Variants in MGAT4C observed in about 807,000 individuals in gnomAD.
MGAT4C encodes the protein alpha-1,3-mannosyl-glycoprotein 4-beta-N-acetylglucosaminyltransferase C.
Under a neutral mutation model 40.1 loss-of-function variants are expected in MGAT4C, and 19 were observed. The ratio of observed to expected loss-of-function variants is 0.47; its 90% CI spans 0.33 to 0.70. MGAT4C has a LOEUF of 0.70. MGAT4C is among the 30% of genes least tolerant of loss of function. The pLI is 0.02. For synonymous variants in MGAT4C, 181 were observed against 187.1 expected (o/e 0.97, Z 0.27); for missense variants, 491 against 563.2 (o/e 0.87, Z 1.30).
At chr12:86,399,243 TA>T (rs1956312939) in intron 3 of MGAT4C, among the ~76,000 whole-genome samples, 1 of 151,964 alleles carries the variant, frequency 6.6e-6, no homozygotes, top group Non-Finnish European at 1.5e-5. Context: ...GTGCCGGGAT[TA>T]CAGGCGCGAG....
In MGAT4C at chr12:86,076,112, C is replaced by CT. The variant is rs546547556; in HGVS notation, c.-56-26390dup. Among the ~76,000 whole-genome samples, 6 of 152,304 alleles carry CT rather than the reference C, an allele frequency of 3.9e-5. No individual in the cohort carries two copies. The East Asian group carries it at 1.2e-3, about 29-fold the overall frequency. On this transcript the variant is annotated intron_variant, in intron 1 of 4. Transcript: ENST00000611864. ...CAGCACCCAAGTCACCACTTGAATG[C>CT]TTTGCTGCTTAGAAATTTATTTTGC... is the stretch of plus-strand genomic sequence containing the variant.
rs533304248 is a variant in MGAT4C, at chr12:85,974,117, C to T, written c.*5172G>A. The stretch of plus-strand genomic sequence containing the variant: ...AATGTTAAAGAATTCAAATAAAAAC[C>T]ATAAACCTGAAACTCTAAAAGAAAA... On this transcript the variant is annotated 3_prime_UTR_variant, in exon 5 of 5. Transcript: ENST00000611864. 2 of 150,824 alleles carry T rather than the reference C, an allele frequency of 1.3e-5. No homozygotes were observed. The highest frequency in any genetic ancestry group is 4.8e-5 in the African/African-American group (2 of 41,398). 9.3% of individuals were successfully genotyped at this position (150,824 alleles called of 1,614,324 possible).
At chr12:86,807,098 T>C (rs932142873) in intron 1 of MGAT4C, among the ~76,000 whole-genome samples, 16 of 151,946 alleles carry the variant, frequency 1.1e-4, no homozygotes, top group Non-Finnish European at 1.9e-4. Flanking sequence ...TGCTCACCTT[T>C]TGAATGTGGA....
chr12:86,611,492 A>AGAT (rs1555210991), intron 2 of MGAT4C, among the ~76,000 whole-genome samples: 2 of 151,726 alleles, frequency 1.3e-5, no homozygotes, highest in African/African-American at 4.8e-5. Context: ...ATAGATAGAT[A>AGAT]GATAGATACA....
At chr12:86,335,338 G>T (rs976677198) in intron 3 of MGAT4C, among the ~76,000 whole-genome samples, 1 of 152,040 alleles carries the variant, frequency 6.6e-6, no homozygotes, top group Non-Finnish European at 1.5e-5. Context: ...TTACAACCCA[G>T]TAAAGTCTTT....
At chr12:86,530,804 G>A (rs1592956700) in intron 2 of MGAT4C, among the ~76,000 whole-genome samples, 1 of 151,902 alleles carries the variant, frequency 6.6e-6, no homozygotes, top group South Asian at 2.1e-4. Flanking sequence ...CTTCAATATA[G>A]CTTCTTTTCC....
rs1388849246 is a variant in MGAT4C, at chr12:86,018,472, A to G, written c.-6-28920T>C. Reference sequence around the variant, plus strand: ...CCTTGCTTTTTTAAATGCTTGTCCAATTTGTTTTTTTACTTTGTTTTGTGG... The same window carrying G: ...CCTTGCTTTTTTAAATGCTTGTCCAGTTTGTTTTTTTACTTTGTTTTGTGG... On this transcript the variant is annotated intron_variant, in intron 2 of 4. Transcript: ENST00000611864. Among the ~76,000 whole-genome samples, 4 of 152,042 alleles carry G rather than the reference A, an allele frequency of 2.6e-5. No homozygotes were observed. The East Asian group carries it at 7.7e-4, about 29-fold the overall frequency.
intron 2 of MGAT4C, among the ~76,000 whole-genome samples, chr12:86,579,114 T>A (rs1165683161): frequency 6.6e-6 from 1 of 151,574 alleles, no homozygotes; most frequent in Non-Finnish European, 1.5e-5. Context: ...ACTATTCAGA[T>A]AGTCTATGTT....
chr12:86,187,771 T>G (rs1397467658), intron 1 of MGAT4C, among the ~76,000 whole-genome samples: 1 of 152,032 alleles, frequency 6.6e-6, no homozygotes, highest in Non-Finnish European at 1.5e-5. Context: ...AAATGTCATT[T>G]TTCAGGGCTC....
chr12:86,237,480 T>C (rs1951603541), intron 1 of MGAT4C, among the ~76,000 whole-genome samples: 1 of 151,892 alleles, frequency 6.6e-6, no homozygotes, highest in South Asian at 2.1e-4. Flanking sequence ...ACAGCCATAA[T>C]AAAATTATAA....
intron 1 of MGAT4C, among the ~76,000 whole-genome samples, chr12:86,160,798 C>A (rs895300995): frequency 6.6e-6 from 1 of 152,056 alleles, no homozygotes; most frequent in Non-Finnish European, 1.5e-5. Context: ...AGGCTTCTTA[C>A]TGAATTGTAC....
At chr12:86,251,319 G>A (rs1229553029) in intron 1 of MGAT4C, among the ~76,000 whole-genome samples, 2 of 151,802 alleles carry the variant, frequency 1.3e-5, no homozygotes, top group African/African-American at 4.8e-5. Flanking sequence ...AGAAGCACAA[G>A]AAATGCAAAT....
At position 85,968,147 on chromosome 12, in the gene MGAT4C, A is replaced by C. The variant is rs1883449723; in HGVS notation, c.*11142T>G. 1 of 152,052 alleles carries C rather than the reference A, an allele frequency of 6.6e-6. No homozygotes were observed. The highest frequency in any genetic ancestry group is 1.5e-5 in the Non-Finnish European group (1 of 67,950). The allele number at this position is 152,052 out of a possible 1,614,324, so 9.4% of individuals were successfully genotyped here. A position where few individuals can be genotyped will look rare whatever the true frequency, so the allele number is the denominator to read the frequency against. On this transcript the variant is annotated 3_prime_UTR_variant, in exon 5 of 5. Transcript: ENST00000611864. ...TAAATGAGACAAGGCATACATGCTG[A>C]CATTTGAAGGATTTATGAAAAAAAG... is the stretch of plus-strand genomic sequence containing the variant.
At chr12:86,180,560 C>G (rs530425910) in intron 1 of MGAT4C, among the ~76,000 whole-genome samples, 1 of 152,302 alleles carries the variant, frequency 6.6e-6, no homozygotes, top group East Asian at 1.9e-4. Flanking sequence ...CTGCCCAAGA[C>G]TATGGGAACC....
intron 1 of MGAT4C, among the ~76,000 whole-genome samples, chr12:86,203,336 T>C (rs1950119648): frequency 6.6e-6 from 1 of 152,164 alleles, no homozygotes; most frequent in Non-Finnish European, 1.5e-5. Context: ...ATGGCTCCAG[T>C]ACTGTATGAC....
chr12:86,661,120 T>C (rs1247833395), intron 2 of MGAT4C, among the ~76,000 whole-genome samples: 1 of 152,110 alleles, frequency 6.6e-6, no homozygotes, highest in Non-Finnish European at 1.5e-5. Context: ...CCTTGATAGC[T>C]TGGGTTCTTT....
chr12:86,174,822 G>A (rs573535851), intron 1 of MGAT4C, among the ~76,000 whole-genome samples: 6 of 152,196 alleles, frequency 3.9e-5, no homozygotes, highest in Admixed American at 6.5e-5. Flanking sequence ...GTACTCACTC[G>A]TATTTATATT....
chr12:86,688,157 C>CTT lies in MGAT4C; in HGVS notation c.-229+39050_-229+39051dup, dbSNP rs55637680. 1.6e-3 allele frequency among the ~76,000 whole-genome samples: 104 copies of CTT among 65,226 alleles called. No homozygotes were observed. The East Asian group carries it at 0.018, about 11-fold the overall frequency. The allele number at this position is 65,226 out of a possible 152,430, so 42.8% of individuals were successfully genotyped here. ...TCAGAGACTAGGAATGCAACCCCTG[C>CTT]TTTTTTTTTTTTTTTTTTTTTTTTG... On this transcript the variant is annotated intron_variant, in intron 2 of 7. Transcript: ENST00000548651.
At chr12:86,576,889 T>G (rs926726935) in intron 2 of MGAT4C, among the ~76,000 whole-genome samples, 1 of 151,922 alleles carries the variant, frequency 6.6e-6, no homozygotes. Flanking sequence ...AGGGATTGCA[T>G]TGAATCTGTA....
Sources: allele counts gnomAD v4.1 joint callset (sites outside exome capture counted in the v4.1 genomes callset), GRCh38; gene constraint gnomAD v4.1.1; transcripts MANE v1.5; gene names NCBI Gene and HGNC (gene_info 2026-07-23, HGNC 2026-07-21).